Variants in CORO1C observed in about 807,000 individuals in gnomAD.
CORO1C encodes the protein coronin 1C.
CORO1C carries 14 observed loss-of-function variants against 51.2 expected under a neutral mutation model. The observed-to-expected ratio is 0.27, with a 90% confidence interval of 0.18 to 0.43. The LOEUF (loss-of-function observed/expected upper bound fraction) is 0.43, where lower values mean the gene tolerates loss of function less well. CORO1C is among the 20% of genes least tolerant of loss of function. The pLI is 1.00. For synonymous variants in CORO1C, 181 were observed against 210.5 expected (o/e 0.86, Z 1.21); for missense variants, 417 against 607.8 (o/e 0.69, Z 3.30).
chr12:108,684,138 CA>C (rs1197100382), intron 2 of CORO1C, among the ~76,000 whole-genome samples: 1 of 152,094 alleles, frequency 6.6e-6, no homozygotes, highest in African/African-American at 2.4e-5. Context: ...GCAAATTACA[CA>C]AGCAGAGAAC....
At chr12:108,666,146 G>A (rs1223991768) in intron 3 of CORO1C, among the ~76,000 whole-genome samples, 3 of 152,224 alleles carry the variant, frequency 2.0e-5, no homozygotes, top group Non-Finnish European at 2.9e-5. Context: ...CAGAATATGA[G>A]GAGAAATTGA....
intron 1 of CORO1C, among the ~76,000 whole-genome samples, chr12:108,712,947 AAT>A (rs2035225644): frequency 6.6e-6 from 1 of 150,764 alleles, no homozygotes; most frequent in African/African-American, 2.4e-5. Flanking sequence ...ATCATTTCCG[AAT>A]ATGAGATAGC....
chr12:108,689,278 C>T (rs1043640502), intron 2 of CORO1C, among the ~76,000 whole-genome samples: 3 of 152,164 alleles, frequency 2.0e-5, no homozygotes, highest in African/African-American at 2.4e-5. Flanking sequence ...ATGTTAAAGT[C>T]GCACAACGCT....
intron 1 of CORO1C, among the ~76,000 whole-genome samples, chr12:108,712,554 A>AC (rs1332132591): frequency 6.8e-6 from 1 of 146,098 alleles, no homozygotes; most frequent in Non-Finnish European, 1.5e-5. Flanking sequence ...AGCCTGAACA[A>AC]CAAGCGAAAC....
chr12:108,702,775 A>G (rs2034913830), intron 1 of CORO1C: 5 of 1,491,442 alleles, frequency 3.4e-6, no homozygotes, highest in Middle Eastern at 1.7e-4. Context: ...AGACGAATTT[A>G]TTTTTGCCAG....
intron 2 of CORO1C, among the ~76,000 whole-genome samples, chr12:108,694,792 AT>A (rs5800835): frequency 0.99 from 150,074 of 152,240 alleles, 73,989 homozygotes; most frequent in East Asian, 1. Flanking sequence ...TTCTACGTAG[AT>A]TTTTTTCTTA....
rs147851282 is a variant in CORO1C at position 108,664,682 on chromosome 12, T to G, written c.319-2524A>C. ...GACCTTGACCCAGGCCTCTTTCCCC[T>G]GCGGAGAACATGGGCATCTGCTCTC... On this transcript the variant is annotated intron_variant, in intron 3 of 10. Transcript: ENST00000261401. Among the ~76,000 whole-genome samples the G allele has an allele frequency of 1.1e-4, 17 of 152,332 alleles. No homozygotes were observed. In the East Asian group the frequency reaches 2.9e-3, roughly 26 times the overall value.
chr12:108,658,776 C>T lies in CORO1C; in HGVS notation c.592G>A (p.Val198Met). Residue 198 changes from valine to methionine, a missense_variant, in exon 5 of 11, where the codon GTG becomes ATG. Physicochemically the swap from Val to Met is conservative, Grantham distance 21. Coordinates refer to ENST00000261401, the MANE Select transcript of CORO1C (RefSeq NM_014325.4). The surrounding 1 kb of genome is among the most constrained non-coding windows in gnomAD (Gnocchi z 4.9). ...LICTASKDKK[V>M]RVIDPRKQEI... Reference sequence around the variant, plus strand: ...TGTTTCCTGGGATCAATGACTCTCACTTTCTTGTCTTTGGAAGCTGTGCAG... The same window carrying T: ...TGTTTCCTGGGATCAATGACTCTCATTTTCTTGTCTTTGGAAGCTGTGCAG... 6.2e-7 allele frequency: 1 copy of T among 1,612,988 alleles called. No homozygotes were observed. The highest frequency in any genetic ancestry group is 8.5e-7 in the Non-Finnish European group (1 of 1,178,964).
At chr12:108,660,451 C>CAAAA (rs139334112) in intron 4 of CORO1C, among the ~76,000 whole-genome samples, 15 of 87,414 alleles carry the variant, frequency 1.7e-4, no homozygotes, top group African/African-American at 2.6e-4. Context: ...AACTCCATCT[C>CAAAA]AAAAAAAAAA....
At chr12:108,674,653 G>A (rs2033841584) in intron 3 of CORO1C, among the ~76,000 whole-genome samples, 1 of 151,848 alleles carries the variant, frequency 6.6e-6, no homozygotes, top group Admixed American at 6.6e-5. Flanking sequence ...ATCAACATTT[G>A]AGGAGTTCAA....
At chr12:108,693,727 G>A (rs1370020964) in intron 2 of CORO1C, among the ~76,000 whole-genome samples, 2 of 152,190 alleles carry the variant, frequency 1.3e-5, no homozygotes, top group Non-Finnish European at 2.9e-5. Context: ...TCTGAAGGAG[G>A]AATGTGCCTA....
intron 8 of CORO1C, 160 bp downstream of exon 8, chr12:108,652,112 C>A: frequency 3.7e-6 from 1 of 267,866 alleles, no homozygotes; most frequent in Non-Finnish European, 6.5e-6. Flanking sequence ...TTAGTGATAT[C>A]CTTAGAAAGT....
At chr12:108,707,006 T>G (rs1369918330) in intron 1 of CORO1C, among the ~76,000 whole-genome samples, 1 of 152,188 alleles carries the variant, frequency 6.6e-6, no homozygotes, top group African/African-American at 2.4e-5. Context: ...AGACTCATAC[T>G]CTGAAAACTC....
intron 1 of CORO1C, among the ~76,000 whole-genome samples, chr12:108,710,385 C>G (rs117423030): frequency 6.6e-6 from 1 of 152,060 alleles, no homozygotes; most frequent in East Asian, 1.9e-4. Flanking sequence ...CTTGTTTTCA[C>G]TTTAAAAAGA....
intron 1 of CORO1C, among the ~76,000 whole-genome samples, chr12:108,719,285 C>A (rs1248089316): frequency 6.6e-6 from 1 of 152,162 alleles, no homozygotes. Flanking sequence ...TTTTAAACAA[C>A]TACATTTATG....
rs912508816 is a variant in CORO1C at position 108,679,841 on chromosome 12, C to G, written c.196-1447G>C. ...TAATCTCTCTAAGCTTCACCTCATT[C>G]GTCATCTGTAAAATAGTTAACAATG... On this transcript the variant is annotated intron_variant, in intron 2 of 10. Transcript: ENST00000261401. Among the ~76,000 whole-genome samples, 5 of 152,288 alleles carry G rather than the reference C, an allele frequency of 3.3e-5. No homozygotes were observed. In the South Asian group the frequency reaches 6.2e-4, roughly 19 times the overall value.
chr12:108,673,214 G>C (rs1399158053), intron 3 of CORO1C, among the ~76,000 whole-genome samples: 2 of 152,214 alleles, frequency 1.3e-5, no homozygotes, highest in African/African-American at 4.8e-5. Context: ...TGCTACTCCA[G>C]TGAACACATG....
At position 108,654,303 on chromosome 12, in the gene CORO1C, T is replaced by C; in HGVS notation, c.855+3A>G. On this transcript the variant is annotated splice_donor_region_variant and intron_variant, in intron 7 of 10. Transcript: ENST00000261401. ...AACACCAAACATCAAAATTACTGTT[T>C]ACCTTTCCACATAAGTAAATGATGC... 1 of 1,586,108 alleles carries C rather than the reference T, an allele frequency of 6.3e-7. No individual in the cohort carries two copies. The highest frequency in any genetic ancestry group is 8.7e-7 in the Non-Finnish European group (1 of 1,155,104).
chr12:108,714,465 C>T (rs374957897), intron 1 of CORO1C, among the ~76,000 whole-genome samples: 6 of 150,188 alleles, frequency 4.0e-5, no homozygotes, highest in African/African-American at 1.5e-4. Context: ...CACACACACA[C>T]ACCCCAAGGA....
Sources: gnomAD v4.1 joint callset for allele counts (sites outside exome capture counted in the v4.1 genomes callset) on GRCh38, gnomAD v4.1.1 for gene constraint, Gnocchi (gnomAD v3.1) non-coding constraint, MANE v1.5 for transcripts, NCBI Gene and HGNC (gene_info 2026-07-23, HGNC 2026-07-21) for gene names.